The following RGS3 variants were observed in gnomAD, a reference collection of about 807,000 sequenced individuals.
The protein encoded by RGS3 is regulator of G protein signaling 3, also known as regulator of G-protein signalling 3.
RGS3 carries 80 observed loss-of-function variants against 132.6 expected under a neutral mutation model. The ratio of observed to expected loss-of-function variants is 0.60; its 90% CI spans 0.50 to 0.73. The LOEUF (loss-of-function observed/expected upper bound fraction) is 0.73. Ranked by LOEUF, RGS3 falls within the 30% of genes least tolerant of loss-of-function variation. The probability of loss-of-function intolerance (pLI) is 0.00; values close to 1 mark genes in which losing one functional copy is unlikely to be tolerated. For missense variants in RGS3, 1,382 were observed against 1,530.8 expected (o/e 0.90, Z 1.62); for synonymous variants, 598 against 620.6 (o/e 0.96, Z 0.54).
At chr9:113,513,310 G>A (rs1416858672) in intron 14 of RGS3, among the ~76,000 whole-genome samples, 2 of 152,158 alleles carry the variant, frequency 1.3e-5, no homozygotes, top group East Asian at 1.9e-4. Context: ...CCACACCGCC[G>A]TTGCAGCCTC....
At chr9:113,474,379 C>T (rs1028020238) in intron 3 of RGS3, among the ~76,000 whole-genome samples, 2 of 152,180 alleles carry the variant, frequency 1.3e-5, no homozygotes, top group African/African-American at 4.8e-5. Flanking sequence ...GGGTTATGTC[C>T]ATAGAGCTGT....
At chr9:113,523,830 T>C (rs1352388128) in intron 17 of RGS3, among the ~76,000 whole-genome samples, 2 of 152,142 alleles carry the variant, frequency 1.3e-5, no homozygotes, top group Admixed American at 6.5e-5. Flanking sequence ...AATTCTGTTT[T>C]GGTGGGGTTT....
intron 17 of RGS3, 94 bp downstream of exon 15, chr9:113,523,135 G>A (rs1424863049): frequency 2.1e-5 from 17 of 800,774 alleles, no homozygotes; most frequent in South Asian, 2.8e-5. Flanking sequence ...CCAGTCATCC[G>A]TAGGGCACTG....
In RGS3 at chr9:113,491,591, G is replaced by T. The variant is rs114507418; in HGVS notation, c.690-4195G>T. On this transcript the variant is annotated intron_variant, in intron 7 of 24. Transcript: ENST00000350696. Reference sequence around the variant, plus strand: ...TTTTTTTGAGATGAAGTCTCTCTCTGTTACCCAGGCTGGAGTGGAATGGCG... The same window carrying T: ...TTTTTTTGAGATGAAGTCTCTCTCTTTTACCCAGGCTGGAGTGGAATGGCG... Among the ~76,000 whole-genome samples, 1,372 of 151,088 alleles carry T rather than the reference G, an allele frequency of 9.1e-3. 20 individuals carry two copies. The highest frequency in any genetic ancestry group is 0.031 in the African/African-American group (1,273 of 41,108).
intron 19 of RGS3, among the ~76,000 whole-genome samples, chr9:113,550,733 ATATT>A (rs2118740204): frequency 6.6e-6 from 1 of 152,282 alleles, no homozygotes; most frequent in African/African-American, 2.4e-5. Context: ...GAGATGTTGA[ATATT>A]TATTTATATG....
chr9:113,586,565 T>C (rs780605915), intron 20 of RGS3, among the ~76,000 whole-genome samples: 5 of 152,166 alleles, frequency 3.3e-5, no homozygotes, highest in Non-Finnish European at 7.3e-5. Flanking sequence ...TTCTTGGGTT[T>C]GAGTGGCTGA....
At chr9:113,541,176 T>A in intron 19 of RGS3, 1 of 781,688 alleles carries the variant, frequency 1.3e-6, no homozygotes, top group Non-Finnish European at 2.0e-6. Context: ...TGCCACCTTG[T>A]CATCTCCACT....
intron 4 of RGS3, among the ~76,000 whole-genome samples, chr9:113,481,792 A>G (rs1188384866): frequency 6.6e-6 from 1 of 152,210 alleles, no homozygotes; most frequent in Non-Finnish European, 1.5e-5. Flanking sequence ...CACGCCTGTA[A>G]TCCCAGCACT....
chr9:113,473,665 G>A (rs918085124), intron 3 of RGS3, among the ~76,000 whole-genome samples: 1 of 152,180 alleles, frequency 6.6e-6, no homozygotes, highest in African/African-American at 2.4e-5. Context: ...GGGATTACAG[G>A]TGTGAGCCAC....
chr9:113,593,178 G>A (rs1835535620), intron 21 of RGS3, among the ~76,000 whole-genome samples: 1 of 152,196 alleles, frequency 6.6e-6, no homozygotes. Context: ...TTGAACCCAA[G>A]ACTAGCTCCA....
chr9:113,577,864 C>A (rs1225602262), intron 19 of RGS3, among the ~76,000 whole-genome samples: 1 of 152,232 alleles, frequency 6.6e-6, no homozygotes, highest in Non-Finnish European at 1.5e-5. Flanking sequence ...GTGTTTATGG[C>A]AGTGATGACT....
intron 24 of RGS3, among the ~76,000 whole-genome samples, chr9:113,596,095 G>T (rs1481352098): frequency 1.3e-5 from 2 of 152,262 alleles, no homozygotes; most frequent in Non-Finnish European, 2.9e-5. Flanking sequence ...AGCACTTTGG[G>T]AAGCCGAGCC....
chr9:113,594,378 C>T, intron 21 of RGS3, 52 bp from the exon 20 acceptor site: 1 of 1,603,858 alleles, frequency 6.2e-7, no homozygotes, highest in Middle Eastern at 1.7e-4. Context: ...TCTGGATTTG[C>T]AGGGGCGAGT....
chr9:113,581,863 C>G (rs537478154), intron 19 of RGS3: 1 of 197,756 alleles, frequency 5.1e-6, no homozygotes, highest in East Asian at 1.9e-4. Flanking sequence ...GCCACAGCAT[C>G]AGCAGGCACC....
At chr9:113,541,757 C>A (rs1832912379) in intron 19 of RGS3, 1 of 1,027,340 alleles carries the variant, frequency 9.7e-7, no homozygotes, top group Non-Finnish European at 1.2e-6. Flanking sequence ...TTGGGGGCAG[C>A]AGGAGAGGTT....
chr9:113,458,253 TC>T (rs146284591), upstream of RGS3, among the ~76,000 whole-genome samples: 10,384 of 152,280 alleles, frequency 0.068, 513 homozygotes, highest in Non-Finnish European at 0.096. Context: ...TTTACATTTT[TC>T]TGGCCATAGA....
chr9:113,501,841 T>A (rs1830912903), intron 10 of RGS3, among the ~76,000 whole-genome samples: 1 of 152,194 alleles, frequency 6.6e-6, no homozygotes, highest in African/African-American at 2.4e-5. Flanking sequence ...AACCACTGGC[T>A]GGGTGGTGTT....
chr9:113,460,215 T>C, upstream of RGS3: 1 of 1,229,812 alleles, frequency 8.1e-7, no homozygotes, highest in South Asian at 1.3e-5. Context: ...CCTTTAACCT[T>C]ATTTCCTTTT....
exon 20 of RGS3, chr9:113,583,970 C>A (rs544498367): frequency 1.9e-6 from 3 of 1,613,984 alleles, no homozygotes; most frequent in South Asian, 2.2e-5. Context: ...CCCAGGCCAG[C>A]CTTCGTGATC....
Sources: allele counts gnomAD v4.1 joint callset (sites outside exome capture counted in the v4.1 genomes callset), GRCh38; gene constraint gnomAD v4.1.1; transcripts MANE v1.5; gene names NCBI Gene and HGNC (gene_info 2026-07-23, HGNC 2026-07-21).